TRAM2: variants seen among roughly 807,000 people sequenced by gnomAD.
TRAM2 encodes the protein translocating chain-associated membrane protein 2.
A neutral mutation model predicts 51.0 loss-of-function variants in TRAM2; 12 were observed. The observed-to-expected ratio is 0.24, with a 90% CI of 0.15 to 0.38. The LOEUF is 0.38. TRAM2 is among the 10% of genes least tolerant of loss of function. The pLI is 1.00. For synonymous variants in TRAM2, 175 were observed against 179.4 expected, an observed-to-expected ratio of 0.98 and a Z score of 0.20; for missense variants, 361 against 462.0, an observed-to-expected ratio of 0.78 and a Z score of 2.00.
intron 2 of TRAM2, among the ~76,000 whole-genome samples, chr6:52,526,152 G>GAC (rs775593303): frequency 0.04 from 1,143 of 28,774 alleles, 10 homozygotes; most frequent in Non-Finnish European, 0.058. Flanking sequence ...CACACAGACA[G>GAC]ACACACACAC....
chr6:52,526,893 C>T (rs904167002), intron 2 of TRAM2, among the ~76,000 whole-genome samples: 1 of 152,130 alleles, frequency 6.6e-6, no homozygotes, highest in African/African-American at 2.4e-5. Flanking sequence ...AGAATGCTTA[C>T]AGCTAGGGGA....
In TRAM2 at chr6:52,520,798, C is replaced by T. The variant is rs563649407; in HGVS notation, c.185-4061G>A. Among the ~76,000 whole-genome samples, 341 of 152,334 alleles carry T rather than the reference C, an allele frequency of 2.2e-3. 2 individuals carry two copies. Among genetic ancestry groups the T allele is most frequent in the Non-Finnish European group, 3.5e-3 (238 of 68,036 alleles). ...CCATTTCTGGTAATATACCATTCCTCTGACCTCTTACTCCTACAATCATAA... is the reference window on the plus strand; with the variant it reads ...CCATTTCTGGTAATATACCATTCCTTTGACCTCTTACTCCTACAATCATAA... On this transcript the variant is annotated intron_variant, in intron 2 of 10. Coordinates refer to ENST00000182527, the MANE Select transcript of TRAM2 (RefSeq NM_012288.4).
chr6:52,527,333 G>A (rs1766800982), intron 2 of TRAM2, among the ~76,000 whole-genome samples: 1 of 150,038 alleles, frequency 6.7e-6, no homozygotes, highest in Non-Finnish European at 1.5e-5. Flanking sequence ...GGAAGAGATT[G>A]TGCCACTGTA....
chr6:52,573,321 C>G (rs1256247290), intron 1 of TRAM2, among the ~76,000 whole-genome samples: 1 of 152,168 alleles, frequency 6.6e-6, no homozygotes, highest in East Asian at 1.9e-4. Flanking sequence ...TGTCCACACC[C>G]TGGTTGATGG....
chr6:52,576,812 A>G lies in TRAM2; in HGVS notation c.104T>C (p.Ile35Thr), dbSNP rs756371697. The change falls in exon 1 of 11, where the codon ATC (isoleucine) becomes ACC (threonine). Residue 35 changes from isoleucine (I) to threonine (T), a missense_variant. Coordinates refer to ENST00000182527, the MANE Select transcript of TRAM2 (RefSeq NM_012288.4). ...GGCTCTCACCTCGAACATAAGCCCGATGAGGACGCAGAGCACCAGGCAGAA... is the reference window on the plus strand; with the variant it reads ...GGCTCTCACCTCGAACATAAGCCCGGTGAGGACGCAGAGCACCAGGCAGAA... ...IGFCLVLCVL[I>T]GLMFEVTAKT... 6.2e-6 allele frequency: 10 copies of G among 1,613,534 alleles called. No homozygotes were observed. The Admixed American group carries it at 1.7e-4, about 27-fold the overall frequency.
Position 52,550,463 on chromosome 6 carries a change from T to C in TRAM2, c.121-14617A>G, listed in dbSNP as rs185576216. Among the ~76,000 whole-genome samples, 437 of 152,338 alleles carry C rather than the reference T, an allele frequency of 2.9e-3. 2 individuals carry two copies. Among genetic ancestry groups the C allele is most frequent in the Non-Finnish European group, 4.4e-3 (296 of 68,034 alleles). On this transcript the variant is annotated intron_variant, in intron 1 of 10. Coordinates refer to ENST00000182527, the MANE Select transcript of TRAM2 (RefSeq NM_012288.4). ...GTTGGGACTCTGACTGATGGAGATA[T>C]GCTACTCAAATAAAAGAATACTAAC... is the stretch of plus-strand genomic sequence containing the variant.
chr6:52,507,989 G>T (rs1294381597), intron 6 of TRAM2, among the ~76,000 whole-genome samples: 1 of 152,234 alleles, frequency 6.6e-6, no homozygotes, highest in Non-Finnish European at 1.5e-5. Flanking sequence ...TCTATAAGAT[G>T]AGAGTTAGGT....
chr6:52,576,748 A>G, intron 1 of TRAM2, 48 bp downstream of exon 1: 1 of 1,598,698 alleles, frequency 6.3e-7, no homozygotes, highest in Non-Finnish European at 8.5e-7. Flanking sequence ...CGGGCGGTGC[A>G]CGACAGGGGG....
At chr6:52,519,442 T>G (rs1766622615) in intron 2 of TRAM2, among the ~76,000 whole-genome samples, 1 of 152,098 alleles carries the variant, frequency 6.6e-6, no homozygotes, top group Admixed American at 6.6e-5. Flanking sequence ...CTCACACCCA[T>G]AAGGACGGTT....
intron 1 of TRAM2, among the ~76,000 whole-genome samples, chr6:52,561,652 A>AT (rs897017913): frequency 1.8e-4 from 26 of 146,900 alleles, no homozygotes; most frequent in East Asian, 3.9e-4. Flanking sequence ...CGCCCGGCTA[A>AT]TTTTTTTTTT....
At chr6:52,520,449 C>T (rs550140493) in intron 2 of TRAM2, among the ~76,000 whole-genome samples, 13 of 152,300 alleles carry the variant, frequency 8.5e-5, no homozygotes, top group South Asian at 4.1e-4. Flanking sequence ...GCAGAGCAAT[C>T]GGAGAAGAGA....
chr6:52,535,758 G>A, intron 2 of TRAM2, 25 bp downstream of exon 2: 1 of 1,602,486 alleles, frequency 6.2e-7, no homozygotes, highest in African/African-American at 1.3e-5. Context: ...AGGGCCAGGA[G>A]AAGATGGAGA....
intron 2 of TRAM2, among the ~76,000 whole-genome samples, chr6:52,520,177 C>A (rs968607890): frequency 6.6e-6 from 1 of 152,140 alleles, no homozygotes; most frequent in African/African-American, 2.4e-5. Flanking sequence ...ACAACAACAG[C>A]CAGCTGTGTC....
At chr6:52,546,710 G>C (rs1767207985) in intron 1 of TRAM2, among the ~76,000 whole-genome samples, 1 of 152,080 alleles carries the variant, frequency 6.6e-6, no homozygotes, top group South Asian at 2.1e-4. Context: ...GGGTGTGAGA[G>C]GGGAGAAGGG....
intron 4 of TRAM2, among the ~76,000 whole-genome samples, chr6:52,510,944 G>C (rs1428878657): frequency 6.6e-6 from 1 of 152,216 alleles, no homozygotes; most frequent in East Asian, 1.9e-4. Flanking sequence ...CCAGTTGGTT[G>C]AATGAATGAA....
chr6:52,576,741 G>A lies in TRAM2; in HGVS notation c.120+55C>T. 5 of 1,589,570 alleles carry A rather than the reference G, an allele frequency of 3.1e-6. No homozygotes were observed. The South Asian group carries it at 5.7e-5, about 18-fold the overall frequency. On this transcript the variant is annotated intron_variant, in intron 1 of 10. Transcript: ENST00000182527. ...CCGCTGACCTGCAGGGGTGTGCCGG[G>A]CGGTGCACGACAGGGGGCACTGTCC...
chr6:52,511,154 A>T (rs1766444881), intron 4 of TRAM2, among the ~76,000 whole-genome samples: 1 of 152,220 alleles, frequency 6.6e-6, no homozygotes, highest in Admixed American at 6.5e-5. Context: ...CCCAGGCTGG[A>T]GTGCAATGGC....
intron 2 of TRAM2, among the ~76,000 whole-genome samples, chr6:52,521,972 G>A (rs771113456): frequency 6.6e-6 from 1 of 152,116 alleles, no homozygotes; most frequent in Non-Finnish European, 1.5e-5. Context: ...ACAGGGACCG[G>A]GGGGAGCACA....
At chr6:52,532,109 G>A (rs1766902449) in intron 2 of TRAM2, among the ~76,000 whole-genome samples, 1 of 152,202 alleles carries the variant, frequency 6.6e-6, no homozygotes, top group Non-Finnish European at 1.5e-5. Context: ...TGCTTCTCAT[G>A]CTGTTGTGAG....
Sources: allele counts gnomAD v4.1 joint callset (sites outside exome capture counted in the v4.1 genomes callset), GRCh38; gene constraint gnomAD v4.1.1; transcripts MANE v1.5; gene names NCBI Gene and HGNC (gene_info 2026-07-23, HGNC 2026-07-21).